The following KLHL32 variants were observed in gnomAD, a reference collection of about 807,000 sequenced individuals.
The protein encoded by KLHL32 is kelch like family member 32.
Under a neutral mutation model 64.8 loss-of-function variants are expected in KLHL32, and 35 were observed. The observed-to-expected ratio is 0.54, with a 90% confidence interval of 0.41 to 0.72. The LOEUF is 0.72. Among genes scored for constraint, KLHL32 ranks in the 30% least tolerant of loss-of-function variants. KLHL32 has a pLI of 0.00. For synonymous variants in KLHL32, 259 were observed against 281.0 expected (o/e 0.92, Z 0.78); for missense variants, 589 against 768.5 (o/e 0.77, Z 2.76).
chr6:97,040,388 A>G (rs552833652), intron 3 of KLHL32, among the ~76,000 whole-genome samples: 4 of 151,994 alleles, frequency 2.6e-5, no homozygotes, highest in Non-Finnish European at 5.9e-5. Flanking sequence ...TTCATTTGAC[A>G]TACTGATTTG....
the KLHL32 span, among the ~76,000 whole-genome samples, chr6:96,905,700 T>A: frequency 6.6e-6 from 1 of 152,238 alleles, no homozygotes; most frequent in Non-Finnish European, 1.5e-5. Flanking sequence ...TTAGCTATTA[T>A]TCTTTTATAT....
At chr6:96,987,055 A>T (rs1301409363) in intron 3 of KLHL32, among the ~76,000 whole-genome samples, 3 of 152,134 alleles carry the variant, frequency 2.0e-5, no homozygotes, top group Non-Finnish European at 1.5e-5. Flanking sequence ...CAGTGGTGAT[A>T]TCCCCTTTAT....
chr6:97,000,189 A>G (rs1778863924), intron 3 of KLHL32, among the ~76,000 whole-genome samples: 1 of 152,216 alleles, frequency 6.6e-6, no homozygotes, highest in African/African-American at 2.4e-5. Context: ...GACTCAGGAA[A>G]ATTCAACAAA....
chr6:96,949,119 C>T (rs1328948867), intron 1 of KLHL32, among the ~76,000 whole-genome samples: 1 of 152,060 alleles, frequency 6.6e-6, no homozygotes, highest in Non-Finnish European at 1.5e-5. Flanking sequence ...CCAGTGTTTT[C>T]TTGTTTGTCT....
chr6:96,970,021 A>T (rs1774935992), intron 2 of KLHL32, among the ~76,000 whole-genome samples: 1 of 152,180 alleles, frequency 6.6e-6, no homozygotes, highest in African/African-American at 2.4e-5. Flanking sequence ...TGTCTTCTGG[A>T]AATCTTCCTC....
At chr6:96,904,339 C>CAAAAAAAAAAAAAAAAAAAAA in the KLHL32 span, among the ~76,000 whole-genome samples, 2 of 106,102 alleles carry the variant, frequency 1.9e-5, no homozygotes, top group Admixed American at 1.0e-4. Flanking sequence ...AAGACTTTGT[C>CAAAAAAAAAAAAAAAAAAAAA]AAAAAAAAAA....
chr6:97,044,464 T>C (rs892552329), intron 4 of KLHL32, among the ~76,000 whole-genome samples: 3 of 152,094 alleles, frequency 2.0e-5, no homozygotes, highest in Non-Finnish European at 4.4e-5. Context: ...GCCTGGAATT[T>C]TCTTTTCTTG....
chr6:97,069,653 A>C (rs950390117), intron 5 of KLHL32, among the ~76,000 whole-genome samples: 1 of 151,972 alleles, frequency 6.6e-6, no homozygotes, highest in African/African-American at 2.4e-5. Flanking sequence ...CCCTCCCTTC[A>C]CATCGTGGGA....
intron 3 of KLHL32, among the ~76,000 whole-genome samples, chr6:96,981,019 CG>C (rs562804791): frequency 7.3e-6 from 1 of 136,406 alleles, no homozygotes; most frequent in South Asian, 2.3e-4. Context: ...GGGGGGCAGG[CG>C]GGGGAAAAGC....
Position 97,139,130 on chromosome 6 carries a change from G to T in KLHL32, c.1711G>T (p.Val571Leu), listed in dbSNP as rs1800400591. ...TCTTCCTCTTTTGTAGGTACTGGAT[G>T]TAAGCAGAGAAGGCAAAGAAGAAGT... ...EPLACIQVLD[V>L]SREGKEEVFY... The change falls in exon 11 of 11, where the codon GTA (valine) becomes TTA (leucine). Residue 571 changes from valine (V) to leucine (L), a missense_variant. Around this residue, in one of 3 missense-constraint regions of KLHL32, gnomAD observed 172 missense variants for 192.0 expected, o/e 0.90. Transcript: ENST00000369261. 6.2e-7 allele frequency: 1 copy of T among 1,613,514 alleles called. No individual in the cohort carries two copies. The highest frequency in any genetic ancestry group is 1.7e-5 in the Admixed American group (1 of 59,948).
At chr6:96,963,148 T>G (rs988857407) in intron 1 of KLHL32, among the ~76,000 whole-genome samples, 1 of 152,214 alleles carries the variant, frequency 6.6e-6, no homozygotes, top group Admixed American at 6.5e-5. Context: ...TATTTCCATG[T>G]TCATCACAGA....
Position 97,140,226 on chromosome 6 carries a change from C to T in KLHL32, c.*944C>T, listed in dbSNP as rs1424268804. ...CTTGTACAGGTATCTAAACTTGCCT[C>T]AAGTAACTCTCAGATGTCTTATTTA... On this transcript the variant is annotated 3_prime_UTR_variant, in exon 11 of 11. Transcript: ENST00000369261. 1 of 120,892 alleles carries T rather than the reference C, an allele frequency of 8.3e-6. No homozygotes were observed. The highest frequency in any genetic ancestry group is 1.9e-5 in the Non-Finnish European group (1 of 52,716). 7.5% of individuals were successfully genotyped at this position (120,892 alleles called of 1,614,324 possible).
intron 7 of KLHL32, among the ~76,000 whole-genome samples, chr6:97,126,344 GTTT>G (rs147910554): frequency 7.0e-6 from 1 of 141,910 alleles, no homozygotes; most frequent in African/African-American, 2.5e-5. Flanking sequence ...GCTGTTTTAT[GTTT>G]TTTTTTTTTA....
chr6:96,965,402 T>C (rs1233706432), intron 1 of KLHL32, among the ~76,000 whole-genome samples: 1 of 152,210 alleles, frequency 6.6e-6, no homozygotes. Flanking sequence ...GAGAATTTCA[T>C]CTATCTTATT....
chr6:97,019,597 A>G (rs1437956225), intron 3 of KLHL32, among the ~76,000 whole-genome samples: 2 of 152,232 alleles, frequency 1.3e-5, no homozygotes, highest in African/African-American at 4.8e-5. Flanking sequence ...CTCAGCAGCT[A>G]GGAATGAAGA....
At chr6:96,965,998 A>G (rs1055598602) in intron 1 of KLHL32, among the ~76,000 whole-genome samples, 2 of 152,240 alleles carry the variant, frequency 1.3e-5, no homozygotes, top group Admixed American at 6.5e-5. Flanking sequence ...AGTCATACCA[A>G]TTGAGGGTTT....
chr6:96,989,988 A>T (rs1008580750), intron 3 of KLHL32, among the ~76,000 whole-genome samples: 6 of 152,154 alleles, frequency 3.9e-5, no homozygotes, highest in African/African-American at 9.7e-5. Flanking sequence ...CAGCTCTTAT[A>T]TAATTTTATT....
chr6:97,006,706 C>G (rs4839702), intron 3 of KLHL32, among the ~76,000 whole-genome samples: 13,124 of 152,056 alleles, frequency 0.086, 1,201 homozygotes, highest in Admixed American at 0.22. Flanking sequence ...ATTCCTGTAC[C>G]ATTTGCTTGT....
intron 5 of KLHL32, among the ~76,000 whole-genome samples, chr6:97,082,529 C>T (rs532921537): frequency 3.3e-5 from 5 of 151,852 alleles, no homozygotes; most frequent in African/African-American, 4.8e-5. Context: ...AGGAGAATGG[C>T]ATGAACCCGG....
Sources: allele counts gnomAD v4.1 joint callset (sites outside exome capture counted in the v4.1 genomes callset), GRCh38; gene constraint gnomAD v4.1.1; regional missense constraint gnomAD v4.1.1; transcripts MANE v1.5; gene names NCBI Gene and HGNC (gene_info 2026-07-23, HGNC 2026-07-21).